ARHGAP15: variants seen among roughly 807,000 people sequenced by gnomAD.
ARHGAP15 encodes rho GTPase-activating protein 15.
In ARHGAP15, 51 loss-of-function variants were observed where a neutral mutation model predicts 63.7. That is an observed-to-expected ratio of 0.80 (90% confidence interval 0.64 to 1.01). ARHGAP15 has a LOEUF of 1.01. ARHGAP15 is among the 50% of genes least tolerant of loss of function. The probability of loss-of-function intolerance (pLI) is 0.00; values close to 1 mark genes in which losing one functional copy is unlikely to be tolerated. For missense variants in ARHGAP15, 560 were observed against 564.6 expected (o/e 0.99, Z 0.08); for synonymous variants, 191 against 193.8 (o/e 0.99, Z 0.12).
At chr2:143,606,813 C>G (rs923011377) in intron 11 of ARHGAP15, 1 of 152,214 alleles carries the variant, frequency 6.6e-6, no homozygotes. Flanking sequence ...GACCTGTGAT[C>G]TCACCTGCCT....
intron 13 of ARHGAP15, among the ~76,000 whole-genome samples, chr2:143,717,677 G>T (rs1467384936): frequency 6.6e-6 from 1 of 152,158 alleles, no homozygotes; most frequent in South Asian, 2.1e-4. Flanking sequence ...ACATGAAAGT[G>T]TTCTTGACAT....
intron 6 of ARHGAP15, among the ~76,000 whole-genome samples, chr2:143,368,976 A>G (rs1686421300): frequency 6.6e-6 from 1 of 152,144 alleles, no homozygotes; most frequent in Admixed American, 6.5e-5. Flanking sequence ...AATAAAAATA[A>G]CAATATTAGA....
intron 11 of ARHGAP15, among the ~76,000 whole-genome samples, chr2:143,570,129 A>G (rs1352157446): frequency 6.6e-6 from 1 of 152,206 alleles, no homozygotes; most frequent in Non-Finnish European, 1.5e-5. Flanking sequence ...TGGAAGTTAT[A>G]TCTAAATGTG....
chr2:143,177,991 G>A (rs938120320), intron 2 of ARHGAP15, among the ~76,000 whole-genome samples: 1 of 152,078 alleles, frequency 6.6e-6, no homozygotes, highest in Non-Finnish European at 1.5e-5. Context: ...GCTAAATGTT[G>A]ATAGTTGTAA....
chr2:143,188,198 C>G (rs950062012), intron 2 of ARHGAP15, among the ~76,000 whole-genome samples: 1 of 152,124 alleles, frequency 6.6e-6, no homozygotes, highest in African/African-American at 2.4e-5. Flanking sequence ...TCCCTTCCCT[C>G]TATTGTTTCA....
chr2:143,764,746 A>G lies in ARHGAP15; in HGVS notation c.1245-3243A>G, dbSNP rs1461162197. The stretch of plus-strand genomic sequence containing the variant: ...TGGGTCTCAGTTTTGGCTCCCAGAT[A>G]CCTTAATCTCACTGTCTCTGCACCA... On this transcript the variant is annotated intron_variant, in intron 13 of 13. Transcript: ENST00000295095. Among the ~76,000 whole-genome samples the G allele has an allele frequency of 5.3e-5, 8 of 152,200 alleles. No individual in the cohort carries two copies. In the East Asian group the frequency reaches 1.4e-3, roughly 26 times the overall value.
Position 143,155,632 on chromosome 2 carries a change from G to T in ARHGAP15, c.142G>T (p.Asp48Tyr). ...LSQSKSMILT[D>Y]VGKVTEPISR... ...CCAAAGTAAATCCATGATCCTCACC[G>T]ATGTCGGGAAGGTCACTGAACCTGT... Residue 48 changes from aspartate (D) to tyrosine (Y), a missense_variant, in exon 2 of 14, where the codon GAT becomes TAT. Asp to Tyr is a radical substitution (Grantham distance 160, BLOSUM62 -3). Transcript: ENST00000295095. The T allele has an allele frequency of 6.3e-7, 1 of 1,579,042 alleles. No individual in the cohort carries two copies. Among genetic ancestry groups the T allele is most frequent in the South Asian group, 1.2e-5 (1 of 84,798 alleles).
At chr2:143,264,229 G>A (rs774513656) in intron 6 of ARHGAP15, among the ~76,000 whole-genome samples, 69 of 152,020 alleles carry the variant, frequency 4.5e-4, no homozygotes, top group Non-Finnish European at 7.2e-4. Context: ...AGGTCATCAT[G>A]AGAAGCTGAA....
In ARHGAP15 at chr2:143,435,597, G is replaced by A. The variant is rs199653389; in HGVS notation, c.475-4G>A. 1 of 844,322 alleles carries A rather than the reference G, an allele frequency of 1.2e-6. No individual in the cohort carries two copies. The highest frequency in any genetic ancestry group is 1.5e-6 in the Non-Finnish European group (1 of 674,082). The allele number at this position is 844,322 out of a possible 1,614,324, so 52.3% of individuals were successfully genotyped here. A position where few individuals can be genotyped will look rare whatever the true frequency, so the allele number is the denominator to read the frequency against. On this transcript the variant is annotated splice_region_variant and splice_polypyrimidine_tract_variant and intron_variant, in intron 6 of 13. Coordinates refer to ENST00000295095, the MANE Select transcript of ARHGAP15 (RefSeq NM_018460.4). Reference sequence around the variant, plus strand: ...ATTTCTTTTTCTTTTTTTTTTTTTTGCAGATCACAACAGTATCAGGAAATG... The same window carrying A: ...ATTTCTTTTTCTTTTTTTTTTTTTTACAGATCACAACAGTATCAGGAAATG...
chr2:143,248,292 GAGGTATTCC>G (rs942462739), intron 5 of ARHGAP15, among the ~76,000 whole-genome samples: 2 of 152,178 alleles, frequency 1.3e-5, no homozygotes, highest in Admixed American at 6.5e-5. Flanking sequence ...TGAAGATTGG[GAGGTATTCC>G]AGGTAAACAG....
At chr2:143,754,668 C>T (rs113116043) in intron 13 of ARHGAP15, among the ~76,000 whole-genome samples, 21 of 152,328 alleles carry the variant, frequency 1.4e-4, no homozygotes, top group African/African-American at 3.8e-4. Flanking sequence ...TCCCAGGGAA[C>T]GGGATTAGCA....
intron 6 of ARHGAP15, among the ~76,000 whole-genome samples, chr2:143,389,008 A>G (rs895150427): frequency 6.6e-6 from 1 of 151,768 alleles, no homozygotes; most frequent in African/African-American, 2.4e-5. Flanking sequence ...GTCCCTAAAA[A>G]TATCTGGGTA....
intron 6 of ARHGAP15, among the ~76,000 whole-genome samples, chr2:143,382,590 C>T (rs183725013): frequency 5.3e-5 from 8 of 152,248 alleles, no homozygotes; most frequent in East Asian, 1.9e-4. Context: ...TATCCAAATC[C>T]GGTCACCTTC....
chr2:143,176,327 A>G (rs572326004), intron 2 of ARHGAP15, among the ~76,000 whole-genome samples: 63 of 152,318 alleles, frequency 4.1e-4, no homozygotes, highest in Admixed American at 7.8e-4. Context: ...AATTGAGAAA[A>G]GTATTTAATA....
intron 6 of ARHGAP15, among the ~76,000 whole-genome samples, chr2:143,280,137 T>C (rs1370793204): frequency 1.3e-5 from 2 of 152,222 alleles, no homozygotes; most frequent in African/African-American, 4.8e-5. Flanking sequence ...CTATATGATT[T>C]ACTGGAATCA....
intron 6 of ARHGAP15, among the ~76,000 whole-genome samples, chr2:143,300,264 T>C (rs1038055969): frequency 5.3e-5 from 8 of 152,008 alleles, no homozygotes; most frequent in Non-Finnish European, 1.2e-4. Context: ...AAGATTAAAA[T>C]GAAGCTGAAC....
chr2:143,649,773 A>G (rs1490338428), intron 12 of ARHGAP15, among the ~76,000 whole-genome samples: 1 of 151,950 alleles, frequency 6.6e-6, no homozygotes, highest in Admixed American at 6.6e-5. Context: ...CTGCATGCCA[A>G]TACTGTGGAA....
At chr2:143,310,356 G>C (rs556370096) in intron 6 of ARHGAP15, among the ~76,000 whole-genome samples, 1 of 151,736 alleles carries the variant, frequency 6.6e-6, no homozygotes, top group Non-Finnish European at 1.5e-5. Flanking sequence ...GTATTATATC[G>C]GTATGTTATC....
At chr2:143,201,949 G>A (rs1692135709) in intron 2 of ARHGAP15, among the ~76,000 whole-genome samples, 185 bp from the exon 3 acceptor site, 1 of 152,114 alleles carries the variant, frequency 6.6e-6, no homozygotes, top group African/African-American at 2.4e-5. Context: ...AGATATGCTT[G>A]CAGCCAGCCA....
Sources: gnomAD v4.1 joint callset for allele counts (sites outside exome capture counted in the v4.1 genomes callset) on GRCh38, gnomAD v4.1.1 for gene constraint, MANE v1.5 for transcripts, NCBI Gene and HGNC (gene_info 2026-07-23, HGNC 2026-07-21) for gene names.